Variants in DRD2 observed in about 807,000 individuals in gnomAD.
DRD2 encodes dopamine receptor D2.
In DRD2, 8 loss-of-function variants were observed where a neutral mutation model predicts 38.0. The observed-to-expected ratio is 0.21, with a 90% CI of 0.12 to 0.38. The LOEUF (loss-of-function observed/expected upper bound fraction) is 0.38. Ranked by LOEUF, DRD2 falls within the 10% of genes least tolerant of loss-of-function variation. DRD2 has a pLI of 1.00. For missense variants in DRD2, 403 were observed against 607.7 expected (o/e 0.66, Z 3.54); for synonymous variants, 230 against 238.6 (o/e 0.96, Z 0.33).
At chr11:113,435,527 C>A (rs1197178237) in intron 1 of DRD2, among the ~76,000 whole-genome samples, 1 of 152,046 alleles carries the variant, frequency 6.6e-6, no homozygotes, top group Non-Finnish European at 1.5e-5. Context: ...GGGCTGGGGC[C>A]CCCTCCCTGA....
chr11:113,423,768 C>T (rs1013115781), intron 2 of DRD2, among the ~76,000 whole-genome samples: 4 of 152,178 alleles, frequency 2.6e-5, no homozygotes, highest in African/African-American at 9.7e-5. Flanking sequence ...ACAGCACAGT[C>T]CATGGCAGCC....
chr11:113,449,227 A>C (rs927389448), intron 1 of DRD2, among the ~76,000 whole-genome samples: 1 of 152,008 alleles, frequency 6.6e-6, no homozygotes, highest in Non-Finnish European at 1.5e-5. Flanking sequence ...CCAACTCTTC[A>C]AAGGGAAAAG....
intron 2 of DRD2, among the ~76,000 whole-genome samples, chr11:113,423,791 T>A (rs547233751): frequency 1.3e-5 from 2 of 152,254 alleles, no homozygotes; most frequent in African/African-American, 4.8e-5. Flanking sequence ...TACCTGCAGG[T>A]CCTGGACAGG....
At chr11:113,416,785 C>T (rs1359155933) in intron 4 of DRD2, 78 bp downstream of exon 4, 18 of 1,569,926 alleles carry the variant, frequency 1.1e-5, no homozygotes, top group Non-Finnish European at 1.4e-5. Flanking sequence ...GTGCCAGGGA[C>T]TCTGCTCCCT....
intron 1 of DRD2, among the ~76,000 whole-genome samples, chr11:113,441,296 G>T (rs894403324): frequency 6.6e-6 from 1 of 152,132 alleles, no homozygotes; most frequent in African/African-American, 2.4e-5. Context: ...TTTTTCCTTT[G>T]CAAGGCTGCC....
At chr11:113,414,299 G>A (rs1358497385) in intron 6 of DRD2, 76 bp downstream of exon 6, 26 of 1,399,538 alleles carry the variant, frequency 1.9e-5, no homozygotes, top group Non-Finnish European at 2.3e-5. Flanking sequence ...CAGCTTCTGA[G>A]GTCTCAGAAC....
intron 1 of DRD2, among the ~76,000 whole-genome samples, chr11:113,435,426 G>A (rs1023555463): frequency 9.2e-5 from 14 of 152,026 alleles, no homozygotes; most frequent in Non-Finnish European, 1.5e-4. Context: ...AATCCTCACC[G>A]CTCCGATACT....
At chr11:113,469,092 C>T (rs1381065496) in intron 1 of DRD2, among the ~76,000 whole-genome samples, 2 of 152,158 alleles carry the variant, frequency 1.3e-5, no homozygotes, top group Admixed American at 6.5e-5. Context: ...AATGTCATCA[C>T]AGTTCCAGAA....
chr11:113,445,994 G>A (rs74489134), intron 1 of DRD2, among the ~76,000 whole-genome samples: 1,766 of 152,282 alleles, frequency 0.012, 43 homozygotes, highest in African/African-American at 0.035. Context: ...GCCTGGGTCC[G>A]TGAGTTCCAG....
chr11:113,468,876 C>A (rs191711592), intron 1 of DRD2, among the ~76,000 whole-genome samples: 1 of 152,326 alleles, frequency 6.6e-6, no homozygotes, highest in East Asian at 1.9e-4. Context: ...AGGCAGCTCT[C>A]ATGAGTCACT....
At position 113,441,297 on chromosome 11, in the gene DRD2, C is replaced by T. The variant is rs534201977; in HGVS notation, c.-31-16615G>A. On this transcript the variant is annotated intron_variant, in intron 1 of 7. Coordinates refer to ENST00000362072, the MANE Select transcript of DRD2 (RefSeq NM_000795.4). The stretch of plus-strand genomic sequence containing the variant: ...AGCCTGCTAAAACCTTTTTCCTTTG[C>T]AAGGCTGCCTACTACACAGCTAGTC... Among the ~76,000 whole-genome samples, 297 of 152,296 alleles carry T rather than the reference C, an allele frequency of 2.0e-3. 2 individuals carry two copies. The highest frequency in any genetic ancestry group is 6.8e-3 in the African/African-American group (284 of 41,554).
At position 113,424,549 on chromosome 11, in the gene DRD2, T is replaced by G; in HGVS notation, c.103A>C (p.Asn35His). Residue 35 changes from asparagine (N) to histidine (H), a missense_variant, in exon 2 of 8, where the codon AAC becomes CAC. By Grantham distance (68) the Asn-to-His change is moderately conservative. Transcript: ENST00000362072. ...AGGGTGAGCAGTGTGGCATAGTAGT[T>G]GTAGTGGGGTCTGTCCGCCTTCCCG... The part of the protein sequence containing the change: ...SDGKADRPHY[N>H]YYATLLTLLI... 6.2e-7 allele frequency: 1 copy of G among 1,614,192 alleles called. No individual in the cohort carries two copies. Among genetic ancestry groups the G allele is most frequent in the South Asian group, 1.1e-5 (1 of 91,082 alleles).
chr11:113,436,538 G>T (rs150088950), intron 1 of DRD2, among the ~76,000 whole-genome samples: 14 of 152,094 alleles, frequency 9.2e-5, no homozygotes, highest in African/African-American at 3.4e-4. Flanking sequence ...AATTTTTTTA[G>T]AGTCCTTATC....
At chr11:113,441,722 C>G (rs886333204) in intron 1 of DRD2, among the ~76,000 whole-genome samples, 1 of 152,148 alleles carries the variant, frequency 6.6e-6, no homozygotes, top group African/African-American at 2.4e-5. Flanking sequence ...TGGTGGCTCA[C>G]GCCTGTGATC....
At chr11:113,410,988 C>A (rs1428476187) in intron 7 of DRD2, 68 bp from the exon 8 acceptor site, 1 of 1,537,752 alleles carries the variant, frequency 6.5e-7, no homozygotes, top group Non-Finnish European at 8.9e-7. Flanking sequence ...CACCCACACC[C>A]AGTGCGCCCT....
intron 1 of DRD2, among the ~76,000 whole-genome samples, chr11:113,450,835 G>T (rs1014544388): frequency 3.9e-5 from 6 of 152,180 alleles, no homozygotes; most frequent in Non-Finnish European, 8.8e-5. Flanking sequence ...ATTTCTCCCA[G>T]CTTTCTCCAA....
intron 1 of DRD2, among the ~76,000 whole-genome samples, chr11:113,439,663 A>G (rs533988979): frequency 6.6e-6 from 1 of 151,554 alleles, no homozygotes; most frequent in Non-Finnish European, 1.5e-5. Context: ...AACATGGTGA[A>G]GCCCCATCTC....
chr11:113,413,489 G>C (rs1950790717), intron 6 of DRD2: 1 of 407,564 alleles, frequency 2.5e-6, no homozygotes. Flanking sequence ...TCTTCCATAG[G>C]TTCTCTTGTT....
rs74548208 is a variant in DRD2 at position 113,412,824 on chromosome 11, G to A, written c.870C>T (p.Pro290=). The A allele has an allele frequency of 3.5e-5, 57 of 1,613,252 alleles. No individual in the cohort carries two copies. The highest frequency in any genetic ancestry group is 2.3e-4 in the South Asian group (21 of 91,018). Residue 290 remains proline (P), a synonymous_variant, in exon 7 of 8, where the codon CCC becomes CCT. Coordinates refer to ENST00000362072, the MANE Select transcript of DRD2 (RefSeq NM_000795.4). ...GGATGGGGCTGTACCGGGTCCTCTCGGGTGGGCTGGTGCTGGAGAGCATCT... is the reference window on the plus strand; with the variant it reads ...GGATGGGGCTGTACCGGGTCCTCTCAGGTGGGCTGGTGCTGGAGAGCATCT... ...EMEMLSSTSP[P]ERTRYSPIPP... is the part of the protein sequence containing the mutation.
Sources: gnomAD v4.1 joint callset for allele counts (sites outside exome capture counted in the v4.1 genomes callset) on GRCh38, gnomAD v4.1.1 for gene constraint, MANE v1.5 for transcripts, NCBI Gene and HGNC (gene_info 2026-07-23, HGNC 2026-07-21) for gene names.